Variants in CACNA2D1 observed in about 807,000 individuals in gnomAD.
CACNA2D1 encodes the protein voltage-dependent calcium channel subunit alpha-2/delta-1.
A neutral mutation model predicts 171.5 loss-of-function variants in CACNA2D1; 53 were observed. The ratio of observed to expected loss-of-function variants is 0.31; its 90% CI spans 0.25 to 0.39. The LOEUF is 0.39. Among genes scored for constraint, CACNA2D1 ranks in the 10% least tolerant of loss-of-function variants. The pLI, the probability that CACNA2D1 is intolerant of heterozygous loss-of-function variation, is 1.00. For synonymous variants in CACNA2D1, 442 were observed against 443.1 expected, an observed-to-expected ratio of 1.00 and a Z score of 0.03; for missense variants, 903 against 1,299.8, an observed-to-expected ratio of 0.69 and a Z score of 4.69.
At chr7:82,321,968 T>A (rs538014104) in intron 3 of CACNA2D1, among the ~76,000 whole-genome samples, 1 of 149,034 alleles carries the variant, frequency 6.7e-6, no homozygotes, top group Non-Finnish European at 1.5e-5. Flanking sequence ...CTACTAAAAA[T>A]ACAAAAAATT....
At chr7:82,371,603 A>G (rs527866828) in intron 1 of CACNA2D1, among the ~76,000 whole-genome samples, 2 of 152,064 alleles carry the variant, frequency 1.3e-5, no homozygotes, top group South Asian at 4.1e-4. Context: ...ATTTTGCAAC[A>G]GAGCTTCTCT....
chr7:82,025,154 T>C (rs1007628669), intron 12 of CACNA2D1, among the ~76,000 whole-genome samples: 3 of 151,724 alleles, frequency 2.0e-5, no homozygotes, highest in African/African-American at 7.2e-5. Context: ...ATATGTATTT[T>C]AGAATTTTTT....
chr7:82,182,089 T>C (rs1797192417), intron 3 of CACNA2D1, among the ~76,000 whole-genome samples: 1 of 152,166 alleles, frequency 6.6e-6, no homozygotes, highest in Admixed American at 6.5e-5. Flanking sequence ...CCCTTCCTTT[T>C]TTCCTTTCTT....
At chr7:82,206,592 C>G (rs1193832426) in intron 3 of CACNA2D1, among the ~76,000 whole-genome samples, 1 of 152,062 alleles carries the variant, frequency 6.6e-6, no homozygotes, top group Non-Finnish European at 1.5e-5. Context: ...ATTGCAAGAA[C>G]AGTTTCTATT....
chr7:82,234,756 T>C (rs1359668694), intron 3 of CACNA2D1, among the ~76,000 whole-genome samples: 1 of 152,186 alleles, frequency 6.6e-6, no homozygotes, highest in East Asian at 1.9e-4. Flanking sequence ...ATTAGGAACA[T>C]ACAAACCTGA....
chr7:82,325,100 T>G (rs1216416575), intron 3 of CACNA2D1, among the ~76,000 whole-genome samples: 1 of 152,202 alleles, frequency 6.6e-6, no homozygotes, highest in Non-Finnish European at 1.5e-5. Context: ...GATTCTGATG[T>G]TCTACTAACT....
intron 5 of CACNA2D1, among the ~76,000 whole-genome samples, chr7:82,131,278 G>A (rs1367782782): frequency 3.3e-5 from 5 of 152,136 alleles, no homozygotes; most frequent in Non-Finnish European, 5.9e-5. Context: ...ATCACAGGCT[G>A]CCCACTGATC....
chr7:82,289,944 T>G (rs1811314495), intron 3 of CACNA2D1, among the ~76,000 whole-genome samples: 1 of 152,252 alleles, frequency 6.6e-6, no homozygotes, highest in African/African-American at 2.4e-5. Context: ...CCTTAACTTT[T>G]TTGTTGCTGT....
rs769431810 is a variant in CACNA2D1 at position 81,984,654 on chromosome 7, C to A, written c.1854G>T (p.Glu618Asp). The A allele has an allele frequency of 1.9e-6, 3 of 1,570,622 alleles. No homozygotes were observed. The highest frequency in any genetic ancestry group is 3.6e-5 in the Admixed American group (2 of 55,794). ...SFYYIKAKLEETITQARSKKG... is the reference protein window; with the variant it reads ...SFYYIKAKLEDTITQARSKKG... ...ACTTACATCTGGCCTGAGTTATTGT[C>A]TCTTCTAGTTTGGCTTTTATATAGT... The change falls in exon 22 of 39, where the codon GAG (glutamate) becomes GAT (aspartate). Residue 618 changes from glutamate to aspartate, a missense_variant. By Grantham distance (45) the Glu-to-Asp change is conservative. Transcript: ENST00000356860.
chr7:82,194,271 T>A (rs1798631783), intron 3 of CACNA2D1, among the ~76,000 whole-genome samples: 1 of 151,948 alleles, frequency 6.6e-6, no homozygotes, highest in Non-Finnish European at 1.5e-5. Context: ...AGAGCTCCGG[T>A]GACTGTCTCA....
chr7:82,204,755 G>A (rs1369665885), intron 3 of CACNA2D1, among the ~76,000 whole-genome samples: 1 of 152,154 alleles, frequency 6.6e-6, no homozygotes, highest in Non-Finnish European at 1.5e-5. Context: ...TGTGCCCAGA[G>A]CCTATGTATA....
At chr7:82,302,808 T>C (rs1038121169) in intron 3 of CACNA2D1, among the ~76,000 whole-genome samples, 10 of 152,114 alleles carry the variant, frequency 6.6e-5, no homozygotes, top group African/African-American at 2.4e-4. Flanking sequence ...ACAATAATTA[T>C]ATATGTAGAC....
chr7:82,366,842 A>C (rs1439322045), intron 1 of CACNA2D1, among the ~76,000 whole-genome samples: 3 of 149,318 alleles, frequency 2.0e-5, no homozygotes, highest in Non-Finnish European at 4.4e-5. Context: ...TACCATTCCC[A>C]CCAATAATGT....
At chr7:82,167,450 A>G (rs1795572465) in intron 4 of CACNA2D1, among the ~76,000 whole-genome samples, 1 of 152,072 alleles carries the variant, frequency 6.6e-6, no homozygotes, top group South Asian at 2.1e-4. Context: ...GAACAAAAAA[A>G]AAGCTGAGAG....
intron 3 of CACNA2D1, among the ~76,000 whole-genome samples, chr7:82,326,107 C>A (rs550739572): frequency 6.6e-6 from 1 of 152,276 alleles, no homozygotes; most frequent in Admixed American, 6.5e-5. Flanking sequence ...GGTCACCCAA[C>A]ACTCTGAACT....
chr7:82,145,495 TACAG>T (rs1241601141), intron 4 of CACNA2D1, among the ~76,000 whole-genome samples: 1 of 144,504 alleles, frequency 6.9e-6, no homozygotes, highest in Non-Finnish European at 1.5e-5. Flanking sequence ...ACTGTATAGA[TACAG>T]AATGTGTGTA....
intron 3 of CACNA2D1, among the ~76,000 whole-genome samples, chr7:82,213,203 A>G (rs895356182): frequency 6.6e-6 from 1 of 152,126 alleles, no homozygotes; most frequent in Non-Finnish European, 1.5e-5. Flanking sequence ...ACCTGGCCCA[A>G]TATCCTGGTT....
chr7:82,206,834 C>T (rs1216659422), intron 3 of CACNA2D1, among the ~76,000 whole-genome samples: 2 of 151,888 alleles, frequency 1.3e-5, no homozygotes, highest in Non-Finnish European at 2.9e-5. Context: ...AACTAAAAAA[C>T]AAAACAATAA....
intron 3 of CACNA2D1, among the ~76,000 whole-genome samples, chr7:82,244,085 G>A (rs1460503678): frequency 6.6e-6 from 1 of 152,090 alleles, no homozygotes; most frequent in Non-Finnish European, 1.5e-5. Context: ...ATTAGTTAAT[G>A]TGCACATTAA....
Sources: gnomAD v4.1 joint callset for allele counts (sites outside exome capture counted in the v4.1 genomes callset) on GRCh38, gnomAD v4.1.1 for gene constraint, MANE v1.5 for transcripts, NCBI Gene and HGNC (gene_info 2026-07-23, HGNC 2026-07-21) for gene names.